ZZZ3: variants seen among roughly 807,000 people sequenced by gnomAD.
ZZZ3 encodes zinc finger ZZ-type containing 3.
A neutral mutation model predicts 95.2 loss-of-function variants in ZZZ3; 22 were observed. The ratio of observed to expected loss-of-function variants is 0.23; its 90% CI spans 0.17 to 0.33. The LOEUF (loss-of-function observed/expected upper bound fraction) is 0.33. ZZZ3 is among the 10% of genes least tolerant of loss of function. The probability of loss-of-function intolerance (pLI) is 1.00; values close to 1 mark genes in which losing one functional copy is unlikely to be tolerated. For missense variants in ZZZ3, 885 were observed against 1,066.5 expected (o/e 0.83, Z 2.37); for synonymous variants, 335 against 358.9 (o/e 0.93, Z 0.75).
chr1:77,576,700 CT>C (rs1485053536), intron 11 of ZZZ3, among the ~76,000 whole-genome samples: 1 of 151,952 alleles, frequency 6.6e-6, no homozygotes, highest in African/African-American at 2.4e-5. Flanking sequence ...CAATCTTTGG[CT>C]TCCCCGGGCT....
chr1:77,603,246 T>C (rs75678110), intron 5 of ZZZ3, among the ~76,000 whole-genome samples: 3,525 of 152,158 alleles, frequency 0.023, 106 homozygotes, highest in African/African-American at 0.081. Context: ...GCCCAGCTAT[T>C]TTTTGGATTT....
intron 1 of ZZZ3, among the ~76,000 whole-genome samples, chr1:77,670,956 T>G (rs1422896415): frequency 6.6e-6 from 1 of 151,212 alleles, no homozygotes; most frequent in African/African-American, 2.4e-5. Context: ...GAAGATTGCT[T>G]GAACCCAGGA....
chr1:77,658,731 G>T (rs1670516959), intron 1 of ZZZ3, among the ~76,000 whole-genome samples: 1 of 152,014 alleles, frequency 6.6e-6, no homozygotes, highest in African/African-American at 2.4e-5. Flanking sequence ...CATTCTGTTA[G>T]GACATTTAAG....
intron 1 of ZZZ3, among the ~76,000 whole-genome samples, chr1:77,681,604 G>A (rs548872787): frequency 9.2e-5 from 14 of 152,244 alleles, no homozygotes; most frequent in African/African-American, 2.2e-4. Context: ...ACCTGAGGCC[G>A]GGCGCGGTGG....
At position 77,564,884 on chromosome 1, in the gene ZZZ3, TAC is replaced by T. The variant is rs1184941947; in HGVS notation, c.*754_*755del. On this transcript the variant is annotated 3_prime_UTR_variant, in exon 15 of 15. Coordinates refer to ENST00000370801, the MANE Select transcript of ZZZ3 (RefSeq NM_015534.6). ...AATTAATGTTGTGAATTAGAAACTT[TAC>T]ACAGTTACTACCACTGGCACTTTTC... 3.9e-5 allele frequency: 6 copies of T among 152,754 alleles called. No individual in the cohort carries two copies. In the East Asian group the frequency reaches 1.2e-3, roughly 29 times the overall value. The allele number at this position is 152,754 out of a possible 1,614,324, so 9.5% of individuals were successfully genotyped here. A position where few individuals can be genotyped will look rare whatever the true frequency, so the allele number is the denominator to read the frequency against.
intron 1 of ZZZ3, among the ~76,000 whole-genome samples, chr1:77,661,843 G>T (rs958954037): frequency 1.3e-5 from 2 of 152,018 alleles, no homozygotes; most frequent in Non-Finnish European, 2.9e-5. Context: ...TCCAGACGAG[G>T]TCTTGCTCTG....
In ZZZ3 at chr1:77,648,342, T is replaced by A. The variant is rs1179356545; in HGVS notation, c.-402-6687A>T. On this transcript the variant is annotated intron_variant, in intron 1 of 14. Coordinates refer to ENST00000370801, the MANE Select transcript of ZZZ3 (RefSeq NM_015534.6). ...CCAGCCTGGGTGACAGAGTGAAATC[T>A]TGCCTCAAAAAAAAAAAAAAAAAAA... Among the ~76,000 whole-genome samples, 6 of 140,518 alleles carry A rather than the reference T, an allele frequency of 4.3e-5. No homozygotes were observed. In the South Asian group the frequency reaches 1.4e-3, roughly 33 times the overall value. 92.2% of individuals were successfully genotyped at this position (140,518 alleles called of 152,430 possible). A position where few individuals can be genotyped will look rare whatever the true frequency, so the allele number is the denominator to read the frequency against.
intron 1 of ZZZ3, among the ~76,000 whole-genome samples, chr1:77,664,704 A>T (rs1364514435): frequency 6.6e-6 from 1 of 152,240 alleles, no homozygotes; most frequent in African/African-American, 2.4e-5. Flanking sequence ...TATAAGCACA[A>T]CTGTACATTT....
chr1:77,669,814 T>G (rs1671587190), intron 1 of ZZZ3, among the ~76,000 whole-genome samples: 1 of 152,036 alleles, frequency 6.6e-6, no homozygotes, highest in African/African-American at 2.4e-5. Context: ...TAGGTTGGTT[T>G]TATTACTAAG....
At chr1:77,597,213 C>T (rs1225905576) in intron 5 of ZZZ3, among the ~76,000 whole-genome samples, 1 of 152,202 alleles carries the variant, frequency 6.6e-6, no homozygotes, top group East Asian at 1.9e-4. Context: ...AGGTTCCCAA[C>T]AACCAAAAGC....
chr1:77,658,022 T>C (rs1399572920), intron 1 of ZZZ3, among the ~76,000 whole-genome samples: 1 of 151,698 alleles, frequency 6.6e-6, no homozygotes, highest in African/African-American at 2.4e-5. Flanking sequence ...CTACTAAAAA[T>C]ACAAAAATTA....
At chr1:77,677,416 T>C (rs1385588332) in intron 1 of ZZZ3, 1 of 152,202 alleles carries the variant, frequency 6.6e-6, no homozygotes, top group Non-Finnish European at 1.5e-5. Flanking sequence ...GATAAATACA[T>C]CTATAAACAT....
At chr1:77,633,824 A>G (rs1171026079) in intron 4 of ZZZ3, among the ~76,000 whole-genome samples, 1 of 152,206 alleles carries the variant, frequency 6.6e-6, no homozygotes, top group Non-Finnish European at 1.5e-5. Context: ...TCTCAGGCAT[A>G]AAACACCCAG....
chr1:77,639,367 C>A (rs1408017712), intron 4 of ZZZ3, 82 bp downstream of exon 4: 1 of 1,171,908 alleles, frequency 8.5e-7, no homozygotes, highest in South Asian at 1.9e-5. Context: ...GGAAAAATAA[C>A]AAGTCTCCCC....
intron 1 of ZZZ3, among the ~76,000 whole-genome samples, chr1:77,680,038 A>C (rs778022021): frequency 6.6e-6 from 1 of 152,218 alleles, no homozygotes; most frequent in Non-Finnish European, 1.5e-5. Flanking sequence ...TACCTTTGCA[A>C]AGGCCATTGT....
intron 5 of ZZZ3, among the ~76,000 whole-genome samples, chr1:77,611,171 C>T (rs1258107637): frequency 7.4e-6 from 1 of 135,670 alleles, no homozygotes; most frequent in African/African-American, 2.7e-5. Context: ...CATTTCTATA[C>T]ACTAACAATG....
At chr1:77,672,654 A>G (rs1671890433) in intron 1 of ZZZ3, among the ~76,000 whole-genome samples, 1 of 152,218 alleles carries the variant, frequency 6.6e-6, no homozygotes, top group Admixed American at 6.5e-5. Flanking sequence ...AATACTGAGA[A>G]CCACTGCCAT....
Position 77,563,568 on chromosome 1 carries a change from A to C in ZZZ3, c.*2072T>G, listed in dbSNP as rs1660590525. 1 of 152,206 alleles carries C rather than the reference A, an allele frequency of 6.6e-6. No individual in the cohort carries two copies. Among genetic ancestry groups the C allele is most frequent in the South Asian group, 2.1e-4 (1 of 4,832 alleles). 9.4% of individuals were successfully genotyped at this position (152,206 alleles called of 1,614,324 possible). A position where few individuals can be genotyped will look rare whatever the true frequency, so the allele number is the denominator to read the frequency against. On this transcript the variant is annotated 3_prime_UTR_variant, in exon 15 of 15. Coordinates refer to ENST00000370801, the MANE Select transcript of ZZZ3 (RefSeq NM_015534.6). ...TTTATATAACAATTGTATCACTCATATCCCTCTTCCAAAGCATACATCATA... is the reference window on the plus strand; with the variant it reads ...TTTATATAACAATTGTATCACTCATCTCCCTCTTCCAAAGCATACATCATA...
chr1:77,632,360 T>A lies in ZZZ3; in HGVS notation c.995A>T (p.Lys332Ile). The change falls in exon 5 of 15, where the codon AAA (lysine) becomes ATA (isoleucine). Residue 332 changes from lysine (K) to isoleucine (I), a missense_variant. Physicochemically the swap from Lys to Ile is moderately radical, Grantham distance 102 (BLOSUM62 -3). Transcript: ENST00000370801. ...GDSSASKEQC[K>I]ENTNNELDTS... ...GTCCAGTTCGTTATTGGTGTTTTCT[T>A]TACACTGCTCTTTTGAGGCACTGCT... is the stretch of plus-strand genomic sequence containing the variant. The A allele has an allele frequency of 6.2e-7, 1 of 1,614,188 alleles. No individual in the cohort carries two copies. The highest frequency in any genetic ancestry group is 8.5e-7 in the Non-Finnish European group (1 of 1,180,024).
Sources: gnomAD v4.1 joint callset for allele counts (sites outside exome capture counted in the v4.1 genomes callset) on GRCh38, gnomAD v4.1.1 for gene constraint, MANE v1.5 for transcripts, NCBI Gene and HGNC (gene_info 2026-07-23, HGNC 2026-07-21) for gene names.